Variants in DNAH14 observed in about 807,000 individuals in gnomAD.
DNAH14 encodes the protein axonemal beta dynein heavy chain 14.
Under a neutral mutation model 520.9 loss-of-function variants are expected in DNAH14, and 478 were observed. The observed-to-expected ratio is 0.92, with a 90% confidence interval of 0.85 to 0.99. DNAH14 has a LOEUF of 0.99. Ranked by LOEUF, DNAH14 falls within the 50% of genes least tolerant of loss-of-function variation. The pLI, the probability that DNAH14 is intolerant of heterozygous loss-of-function variation, is 0.00. For synonymous variants in DNAH14, 1,581 were observed against 1,757.2 expected (o/e 0.90, Z 2.51); for missense variants, 4,831 against 5,234.5 (o/e 0.92, Z 2.38).
intron 36 of DNAH14, 38 bp from the exon 37 acceptor site, chr1:225,185,253 T>G (rs2084549969): frequency 6.5e-7 from 1 of 1,530,228 alleles, no homozygotes; most frequent in African/African-American, 1.4e-5. Context: ...AAACTTAAAA[T>G]CATTAATGAA....
chr1:225,170,430 C>G (rs1559167055), intron 36 of DNAH14, among the ~76,000 whole-genome samples: 1 of 151,946 alleles, frequency 6.6e-6, no homozygotes, highest in African/African-American at 2.4e-5. Context: ...GGGAGATCTA[C>G]CAAGCAAATG....
intron 23 of DNAH14, among the ~76,000 whole-genome samples, chr1:225,102,891 T>C (rs2075645203): frequency 1.3e-5 from 2 of 152,216 alleles, no homozygotes; most frequent in African/African-American, 4.8e-5. Context: ...CTCTTTAGTT[T>C]AATTAGATCC....
At chr1:225,205,928 C>G (rs553010314) in intron 39 of DNAH14, 43 bp from the exon 40 acceptor site, 26 of 1,428,058 alleles carry the variant, frequency 1.8e-5, no homozygotes, top group African/African-American at 4.3e-5. Flanking sequence ...TGAAAGATGA[C>G]GGACATTAGT....
At chr1:225,009,828 G>A (rs537595336) in intron 10 of DNAH14, among the ~76,000 whole-genome samples, 1 of 151,648 alleles carries the variant, frequency 6.6e-6, no homozygotes, top group African/African-American at 2.4e-5. Flanking sequence ...CACATCTCTT[G>A]TAAGTTGTAT....
intron 81 of DNAH14, among the ~76,000 whole-genome samples, chr1:225,383,716 G>A (rs1019214274): frequency 6.6e-6 from 1 of 152,176 alleles, no homozygotes; most frequent in Admixed American, 6.5e-5. Flanking sequence ...AAGCTAGAGG[G>A]GCTCTCAGGT....
intron 8 of DNAH14, among the ~76,000 whole-genome samples, chr1:224,980,510 T>A (rs951432722): frequency 1.3e-5 from 2 of 152,222 alleles, no homozygotes; most frequent in Non-Finnish European, 1.5e-5. Context: ...CTCCAATCCG[T>A]GGCTCCCAGA....
At chr1:225,058,636 TG>T (rs2069520274) in intron 17 of DNAH14, among the ~76,000 whole-genome samples, 1 of 152,242 alleles carries the variant, frequency 6.6e-6, no homozygotes, top group Non-Finnish European at 1.5e-5. Context: ...GTGTCAATTT[TG>T]GATCTTTCCT....
At chr1:224,973,102 C>T (rs951726210) in intron 7 of DNAH14, among the ~76,000 whole-genome samples, 5 of 152,068 alleles carry the variant, frequency 3.3e-5, no homozygotes, top group Admixed American at 6.5e-5. Context: ...TCTTTGGAGC[C>T]GGATTTAAGG....
Position 225,374,552 on chromosome 1 carries a change from C to T in DNAH14, c.12319-136C>T, listed in dbSNP as rs556135909. On this transcript the variant is annotated intron_variant, in intron 77 of 85. Transcript: ENST00000682510. ...CTGGGATTACAGGCGTGAGCCACTGCACCTGGCCTATTTCTATATATTTTT... is the reference window on the plus strand; with the variant it reads ...CTGGGATTACAGGCGTGAGCCACTGTACCTGGCCTATTTCTATATATTTTT... 571 of 808,146 alleles carry T rather than the reference C, an allele frequency of 7.1e-4. 1 individual carries two copies. Among genetic ancestry groups the T allele is most frequent in the Non-Finnish European group, 9.4e-4 (514 of 545,190 alleles). 50.1% of individuals were successfully genotyped at this position (808,146 alleles called of 1,614,324 possible).
intron 69 of DNAH14, among the ~76,000 whole-genome samples, chr1:225,341,909 A>G (rs577189651): frequency 8.1e-4 from 123 of 152,340 alleles, no homozygotes; most frequent in Non-Finnish European, 1.6e-3. Flanking sequence ...CAAACACTTT[A>G]GTCCTCAAGA....
chr1:224,999,203 T>TTTTTG lies in DNAH14; in HGVS notation c.831-3565_831-3561dup, dbSNP rs1012990552. Among the ~76,000 whole-genome samples the TTTTTG allele has an allele frequency of 4.6e-5, 7 of 152,294 alleles. No homozygotes were observed. The East Asian group carries it at 9.6e-4, about 21-fold the overall frequency. ...TGTGCCATGGATTTTTTTGTTTGTT[T>TTTTTG]TTTTGTTTTGTTTTGTTTTTGAGAT... On this transcript the variant is annotated intron_variant, in intron 8 of 85. Coordinates refer to ENST00000682510, the MANE Select transcript of DNAH14 (RefSeq NM_001367479.1).
Position 225,152,045 on chromosome 1 carries a change from T to G in DNAH14, c.4981T>G (p.Cys1661Gly), listed in dbSNP as rs2080548301. 1 of 1,551,356 alleles carries G rather than the reference T, an allele frequency of 6.4e-7. No individual in the cohort carries two copies. The highest frequency in any genetic ancestry group is 2.4e-5 in the East Asian group (1 of 40,898). The change falls in exon 32 of 86, where the codon TGT (cysteine) becomes GGT (glycine). Residue 1661 changes from cysteine to glycine, a missense_variant. By Grantham distance (159) the Cys-to-Gly change is radical. Transcript: ENST00000682510. ...AAAAGAAATTCGTATCAATATGTCTTGTGCGGTATTTATCACCATGAATCC... is the reference window on the plus strand; with the variant it reads ...AAAAGAAATTCGTATCAATATGTCTGGTGCGGTATTTATCACCATGAATCC... ...EGKEIRINMSCAVFITMNPRY... is the reference protein window; with the variant it reads ...EGKEIRINMSGAVFITMNPRY...
chr1:225,246,294 AATACC>A (rs2092279478), intron 43 of DNAH14, among the ~76,000 whole-genome samples: 1 of 152,144 alleles, frequency 6.6e-6, no homozygotes, highest in Admixed American at 6.6e-5. Flanking sequence ...AAACCGAGGC[AATACC>A]ATTCAGGACA....
intron 36 of DNAH14, among the ~76,000 whole-genome samples, chr1:225,169,393 C>T (rs186896017): frequency 1.6e-4 from 24 of 152,186 alleles, no homozygotes; most frequent in Admixed American, 1.4e-3. Flanking sequence ...AGTTAAAACC[C>T]TTGAAAAAAG....
intron 8 of DNAH14, among the ~76,000 whole-genome samples, chr1:224,975,498 T>C (rs1452881562): frequency 6.6e-6 from 1 of 152,108 alleles, no homozygotes; most frequent in East Asian, 1.9e-4. Context: ...TTCTAGATTT[T>C]CTAGTTTATT....
intron 43 of DNAH14, among the ~76,000 whole-genome samples, chr1:225,248,024 A>G (rs1333466061): frequency 6.6e-6 from 1 of 152,148 alleles, no homozygotes; most frequent in East Asian, 1.9e-4. Flanking sequence ...GTCTCAAATA[A>G]TAATAATAAT....
chr1:224,984,504 C>A (rs539729032), intron 8 of DNAH14, among the ~76,000 whole-genome samples: 1 of 152,038 alleles, frequency 6.6e-6, no homozygotes, highest in Non-Finnish European at 1.5e-5. Context: ...TGACCAAAAA[C>A]GCAAAAACAA....
intron 21 of DNAH14, among the ~76,000 whole-genome samples, chr1:225,092,980 T>C (rs990273261): frequency 4.6e-5 from 7 of 152,040 alleles, no homozygotes; most frequent in East Asian, 1.9e-4. Flanking sequence ...TAGGAAGAAA[T>C]TGAATAATTG....
At chr1:225,361,785 C>G (rs1467548542) in intron 75 of DNAH14, among the ~76,000 whole-genome samples, 2 of 152,166 alleles carry the variant, frequency 1.3e-5, no homozygotes, top group Non-Finnish European at 2.9e-5. Flanking sequence ...TTTGGGGAGC[C>G]AAGGCAAGAT....
Sources: allele counts gnomAD v4.1 joint callset (sites outside exome capture counted in the v4.1 genomes callset), GRCh38; gene constraint gnomAD v4.1.1; transcripts MANE v1.5; gene names NCBI Gene and HGNC (gene_info 2026-07-23, HGNC 2026-07-21).